The following ALOX5 variants were observed in gnomAD, a reference collection of about 807,000 sequenced individuals.
ALOX5 encodes the protein polyunsaturated fatty acid 5-lipoxygenase.
In ALOX5, 64 loss-of-function variants were observed where a neutral mutation model predicts 87.9. That is an observed-to-expected ratio of 0.73 (90% CI 0.60 to 0.90). ALOX5 has a LOEUF of 0.90. Ranked by LOEUF, ALOX5 falls within the 40% of genes least tolerant of loss-of-function variation. ALOX5 has a pLI of 0.00. For synonymous variants in ALOX5, 388 were observed against 355.1 expected, an observed-to-expected ratio of 1.09 and a Z score of -1.04; for missense variants, 822 against 907.5, an observed-to-expected ratio of 0.91 and a Z score of 1.21.
At chr10:45,441,595 A>G (rs1842237307) in intron 9 of ALOX5, 165 bp downstream of exon 9, 1 of 638,662 alleles carries the variant, frequency 1.6e-6, no homozygotes, top group Admixed American at 3.1e-5. Flanking sequence ...AGCCCGTGCC[A>G]TTCAGCCAGG....
intron 4 of ALOX5, among the ~76,000 whole-genome samples, chr10:45,420,108 C>T (rs1204888568): frequency 2.6e-5 from 4 of 152,186 alleles, no homozygotes; most frequent in Non-Finnish European, 5.9e-5. Context: ...TAGGATTCTC[C>T]CACTTTTAAC....
At chr10:45,409,685 T>A (rs183728712) in intron 3 of ALOX5, among the ~76,000 whole-genome samples, 1 of 152,328 alleles carries the variant, frequency 6.6e-6, no homozygotes, top group Non-Finnish European at 1.5e-5. Context: ...TTGTTCCTTC[T>A]GCCTGGGTGT....
chr10:45,436,816 T>C (rs7068039), intron 7 of ALOX5, among the ~76,000 whole-genome samples: 37,390 of 152,072 alleles, frequency 0.25, 5,249 homozygotes, highest in African/African-American at 0.38. Context: ...ATAGGAATTG[T>C]GTTGTATCTG....
intron 2 of ALOX5, among the ~76,000 whole-genome samples, chr10:45,391,099 G>A (rs1588991528): frequency 7.1e-5 from 3 of 42,364 alleles, no homozygotes; most frequent in African/African-American, 2.4e-4. Flanking sequence ...CTCTCCCCAC[G>A]GTCTCCCTCT....
chr10:45,377,512 G>T (rs1479189679), intron 1 of ALOX5, among the ~76,000 whole-genome samples: 1 of 151,792 alleles, frequency 6.6e-6, no homozygotes, highest in Non-Finnish European at 1.5e-5. Flanking sequence ...CCGGCTCTCT[G>T]TCCCACATTT....
chr10:45,422,847 A>G (rs188108935), intron 4 of ALOX5, among the ~76,000 whole-genome samples: 2 of 152,298 alleles, frequency 1.3e-5, no homozygotes, highest in Admixed American at 1.3e-4. Flanking sequence ...CTAGAAGTCC[A>G]AGATTAGGGT....
intron 3 of ALOX5, among the ~76,000 whole-genome samples, chr10:45,398,223 C>T (rs780717967): frequency 1.3e-5 from 2 of 152,176 alleles, no homozygotes; most frequent in Non-Finnish European, 2.9e-5. Flanking sequence ...TTGACAGAAG[C>T]AGCAAGACAG....
intron 2 of ALOX5, among the ~76,000 whole-genome samples, chr10:45,389,380 A>C (rs1433894879): frequency 6.6e-6 from 1 of 152,220 alleles, no homozygotes; most frequent in South Asian, 2.1e-4. Context: ...CAACTCCGAG[A>C]CACATAATTG....
intron 7 of ALOX5, among the ~76,000 whole-genome samples, chr10:45,434,214 A>T (rs1168081568): frequency 1.3e-5 from 2 of 152,188 alleles, no homozygotes; most frequent in Non-Finnish European, 2.9e-5. Flanking sequence ...TTATTGTTTA[A>T]GTGTTCTGAC....
intron 4 of ALOX5, among the ~76,000 whole-genome samples, chr10:45,419,519 G>A (rs1004866478): frequency 2.6e-5 from 4 of 152,200 alleles, no homozygotes; most frequent in African/African-American, 4.8e-5. Flanking sequence ...CCCCAGCCCC[G>A]CAGGCCAGCC....
At position 45,425,152 on chromosome 10, in the gene ALOX5, G is replaced by C; in HGVS notation, c.834+20G>C. The C allele has an allele frequency of 1.2e-6, 2 of 1,608,532 alleles. No individual in the cohort carries two copies. Among genetic ancestry groups the C allele is most frequent in the Non-Finnish European group, 1.7e-6 (2 of 1,176,734 alleles). On this transcript the variant is annotated intron_variant, in intron 6 of 13. Transcript: ENST00000374391. The surrounding 1 kb of genome is among the most constrained non-coding windows in gnomAD (Gnocchi z 4.4). ...GTCCAGGTAGGGGTTGATGGGCTGG[G>C]GAAGTGGCCAAGGTCACAGTCTGTC...
At chr10:45,434,053 AT>A (rs2132835012) in intron 7 of ALOX5, among the ~76,000 whole-genome samples, 1 of 152,220 alleles carries the variant, frequency 6.6e-6, no homozygotes, top group African/African-American at 2.4e-5. Context: ...TTGCTCATTT[AT>A]TTCTCAGGGC....
chr10:45,444,564 A>G, intron 13 of ALOX5: 3 of 442,634 alleles, frequency 6.8e-6, no homozygotes, highest in Non-Finnish European at 1.2e-5. Context: ...AGCTATTGAC[A>G]AAGTTCTTGC....
intron 4 of ALOX5, among the ~76,000 whole-genome samples, chr10:45,418,552 G>A (rs913600622): frequency 1.3e-5 from 2 of 152,208 alleles, no homozygotes; most frequent in Admixed American, 6.5e-5. Context: ...CTTGCAGGGT[G>A]GGCAGGGGAC....
intron 7 of ALOX5, among the ~76,000 whole-genome samples, chr10:45,439,419 G>A (rs981380029): frequency 6.6e-5 from 10 of 152,164 alleles, no homozygotes; most frequent in South Asian, 2.1e-4. Context: ...CTTCCTGGCC[G>A]CTCTTGGCTG....
intron 4 of ALOX5, among the ~76,000 whole-genome samples, chr10:45,418,066 C>CCCTT (rs1018258677): frequency 6.6e-6 from 1 of 152,214 alleles, no homozygotes; most frequent in Admixed American, 6.5e-5. Flanking sequence ...CTGAGAGGGG[C>CCCTT]CCTTCTGCCC....
chr10:45,403,683 G>C (rs1840781131), intron 3 of ALOX5, among the ~76,000 whole-genome samples: 1 of 152,172 alleles, frequency 6.6e-6, no homozygotes, highest in Non-Finnish European at 1.5e-5. Flanking sequence ...GTGTGGGAGA[G>C]TAACCTGCTG....
intron 2 of ALOX5, among the ~76,000 whole-genome samples, chr10:45,386,145 C>CA (rs1351571105): frequency 6.6e-6 from 1 of 151,912 alleles, no homozygotes; most frequent in Non-Finnish European, 1.5e-5. Context: ...ACTAAAAATA[C>CA]AAAAAATTAG....
chr10:45,407,852 C>T (rs754077997), intron 3 of ALOX5, among the ~76,000 whole-genome samples: 2 of 152,028 alleles, frequency 1.3e-5, no homozygotes, highest in African/African-American at 2.4e-5. Context: ...TAGGAATTTC[C>T]TTGTGAGCAA....
Sources: allele counts gnomAD v4.1 joint callset (sites outside exome capture counted in the v4.1 genomes callset), GRCh38; gene constraint gnomAD v4.1.1; non-coding constraint Gnocchi (gnomAD v3.1); transcripts MANE v1.5; gene names NCBI Gene and HGNC (gene_info 2026-07-23, HGNC 2026-07-21).